Variants in LTBP1 observed in about 807,000 individuals in gnomAD.
LTBP1 encodes the protein latent-transforming growth factor beta-binding protein 1.
LTBP1 carries 129 observed loss-of-function variants against 207.6 expected under a neutral mutation model. That is an observed-to-expected ratio of 0.62 (90% CI 0.54 to 0.72). The LOEUF is 0.72. Among genes scored for constraint, LTBP1 ranks in the 30% least tolerant of loss-of-function variants. LTBP1 has a pLI of 0.00. For missense variants in LTBP1, 2,281 were observed against 2,217.2 expected (o/e 1.03, Z -0.58); for synonymous variants, 963 against 833.7 (o/e 1.16, Z -2.67).
intron 3 of LTBP1, among the ~76,000 whole-genome samples, chr2:33,074,846 G>C (rs2077991691): frequency 6.7e-6 from 1 of 148,234 alleles, no homozygotes; most frequent in African/African-American, 2.6e-5. Flanking sequence ...CTCCATCCTG[G>C]GCAACAGAGC....
chr2:33,350,901 A>G (rs2094772336), intron 26 of LTBP1, among the ~76,000 whole-genome samples: 1 of 152,120 alleles, frequency 6.6e-6, no homozygotes, highest in Non-Finnish European at 1.5e-5. Flanking sequence ...CTTTTCCTTG[A>G]TTGGTGTACA....
chr2:33,052,995 C>T (rs1385352065), intron 3 of LTBP1, among the ~76,000 whole-genome samples: 1 of 152,012 alleles, frequency 6.6e-6, no homozygotes, highest in Non-Finnish European at 1.5e-5. Flanking sequence ...TTGCGTCAGC[C>T]TCCCGAGTAG....
chr2:33,105,964 A>C (rs2080042875), intron 3 of LTBP1, among the ~76,000 whole-genome samples: 1 of 152,214 alleles, frequency 6.6e-6, no homozygotes, highest in Non-Finnish European at 1.5e-5. Flanking sequence ...GTCCTCTCAA[A>C]TCCTGCTGCT....
chr2:33,328,777 A>G (rs2094460375), intron 24 of LTBP1, among the ~76,000 whole-genome samples: 1 of 152,238 alleles, frequency 6.6e-6, no homozygotes. Flanking sequence ...AGCTACATGT[A>G]ATCATAATAT....
chr2:33,270,073 C>A (rs2093282589), intron 15 of LTBP1, among the ~76,000 whole-genome samples: 1 of 151,262 alleles, frequency 6.6e-6, no homozygotes, highest in South Asian at 2.1e-4. Flanking sequence ...CCCACCACCA[C>A]ACCTGGCTAA....
intron 31 of LTBP1, among the ~76,000 whole-genome samples, chr2:33,381,015 A>T (rs1382591463): frequency 6.6e-6 from 1 of 152,222 alleles, no homozygotes; most frequent in African/African-American, 2.4e-5. Context: ...CTGTCCTTGC[A>T]GCTGAAAAAA....
intron 3 of LTBP1, among the ~76,000 whole-genome samples, chr2:33,086,362 G>A (rs973345140): frequency 2.6e-5 from 4 of 152,174 alleles, no homozygotes; most frequent in Non-Finnish European, 4.4e-5. Flanking sequence ...TTTAGTTACC[G>A]GAACAGGGGT....
intron 24 of LTBP1, among the ~76,000 whole-genome samples, chr2:33,316,654 A>AT (rs2094277637): frequency 6.6e-6 from 1 of 152,150 alleles, no homozygotes; most frequent in African/African-American, 2.4e-5. Flanking sequence ...GTGATGAGAG[A>AT]TTTAGAAGAA....
At chr2:33,065,281 G>A (rs1209216437) in intron 3 of LTBP1, among the ~76,000 whole-genome samples, 1 of 152,118 alleles carries the variant, frequency 6.6e-6, no homozygotes, top group African/African-American at 2.4e-5. Flanking sequence ...TTGAGGTGAG[G>A]CATGGTGGTT....
chr2:32,972,724 A>C (rs1438665303), intron 2 of LTBP1, among the ~76,000 whole-genome samples: 2 of 152,124 alleles, frequency 1.3e-5, no homozygotes, highest in African/African-American at 4.8e-5. Context: ...AGTTCTCATG[A>C]GATCTGATGG....
Position 33,300,708 on chromosome 2 carries a change from TTAAACA to T in LTBP1, c.3358+139_3358+144del, listed in dbSNP as rs2093973468. ...CATTATAGTGCCAGAAAGCCAGGAC[TTAAACA>T]TAAGTTAGGAAAGTCAATAAAACAA... is the stretch of plus-strand genomic sequence containing the variant. On this transcript the variant is annotated intron_variant, in intron 21 of 33. Coordinates refer to ENST00000404816, the MANE Select transcript of LTBP1 (RefSeq NM_206943.4). The T allele has an allele frequency of 4.4e-6, 4 of 903,464 alleles. No homozygotes were observed. The African/African-American group carries it at 6.7e-5, about 15-fold the overall frequency. 56.0% of individuals were successfully genotyped at this position (903,464 alleles called of 1,614,324 possible).
At chr2:33,238,666 G>T (rs887204265) in intron 9 of LTBP1, among the ~76,000 whole-genome samples, 1 of 152,150 alleles carries the variant, frequency 6.6e-6, no homozygotes, top group African/African-American at 2.4e-5. Flanking sequence ...GATCTTAGTG[G>T]AATATTCCTC....
At chr2:33,270,435 A>C (rs13027674) in intron 15 of LTBP1, among the ~76,000 whole-genome samples, 2 of 151,552 alleles carry the variant, frequency 1.3e-5, no homozygotes, top group African/African-American at 4.8e-5. Context: ...TAAAAATACA[A>C]AAAAATTAGC....
At chr2:33,188,427 C>CA (rs577171233) in intron 6 of LTBP1, 150 bp from the exon 7 acceptor site, 22,619 of 348,188 alleles carry the variant, frequency 0.065, 207 homozygotes, top group East Asian at 0.086. Context: ...AACTCCATCT[C>CA]AAAAAAAAAA....
intron 9 of LTBP1, among the ~76,000 whole-genome samples, chr2:33,228,769 G>A (rs1457022102): frequency 1.4e-5 from 2 of 138,958 alleles, no homozygotes; most frequent in Non-Finnish European, 3.0e-5. Flanking sequence ...GTGCAATCTC[G>A]GCTCACTGCA....
intron 5 of LTBP1, among the ~76,000 whole-genome samples, chr2:33,156,408 ACTTTCTTC>A (rs1440669288): frequency 6.6e-6 from 1 of 152,116 alleles, no homozygotes; most frequent in African/African-American, 2.4e-5. Flanking sequence ...TCCGCAGAGT[ACTTTCTTC>A]CATCGCATCT....
In LTBP1 at chr2:33,249,545, A is replaced by C. The variant is rs114524854; in HGVS notation, c.2000-3132A>C. On this transcript the variant is annotated intron_variant, in intron 10 of 33. Transcript: ENST00000404816. ...CTTTTTACTCTTGTTTTGTAATTGAATTGCCATCACCATGGGCTGTATGGT... is the reference window on the plus strand; with the variant it reads ...CTTTTTACTCTTGTTTTGTAATTGACTTGCCATCACCATGGGCTGTATGGT... Among the ~76,000 whole-genome samples the C allele has an allele frequency of 3.4e-3, 521 of 152,290 alleles. 4 individuals carry two copies. The highest frequency in any genetic ancestry group is 0.012 in the African/African-American group (500 of 41,566).
At chr2:33,309,949 C>CTTTT (rs397984258) in intron 23 of LTBP1, among the ~76,000 whole-genome samples, 6 of 136,412 alleles carry the variant, frequency 4.4e-5, no homozygotes, top group Non-Finnish European at 9.4e-5. Flanking sequence ...CCCGCCATTG[C>CTTTT]TTTTTTTTTT....
chr2:33,175,653 G>A (rs193016160), intron 5 of LTBP1, among the ~76,000 whole-genome samples: 393 of 152,150 alleles, frequency 2.6e-3, no homozygotes, highest in African/African-American at 7.8e-3. Flanking sequence ...CCCATTACTG[G>A]GTATATACCC....
Sources: allele counts gnomAD v4.1 joint callset (sites outside exome capture counted in the v4.1 genomes callset), GRCh38; gene constraint gnomAD v4.1.1; transcripts MANE v1.5; gene names NCBI Gene and HGNC (gene_info 2026-07-23, HGNC 2026-07-21).